GPR39: variants seen among roughly 807,000 people sequenced by gnomAD.
GPR39 encodes the protein zinc sensing receptor.
Under a neutral mutation model 18.4 loss-of-function variants are expected in GPR39, and 23 were observed. The ratio of observed to expected loss-of-function variants is 1.25; its 90% CI spans 0.90 to 1.77. GPR39 has a LOEUF of 1.77. GPR39 is among the 40% of genes most tolerant of loss of function. The pLI, the probability that GPR39 is intolerant of heterozygous loss-of-function variation, is 0.00. For synonymous variants in GPR39, 280 were observed against 257.9 expected, an observed-to-expected ratio of 1.09 and a Z score of -0.82; for missense variants, 647 against 602.4, an observed-to-expected ratio of 1.07 and a Z score of -0.78.
chr2:132,627,502 G>T lies in GPR39; in HGVS notation c.857-17599G>T, dbSNP rs1159212669. Among the ~76,000 whole-genome samples, 6 of 152,232 alleles carry T rather than the reference G, an allele frequency of 3.9e-5. No individual in the cohort carries two copies. The South Asian group carries it at 6.2e-4, about 16-fold the overall frequency. ...AAATGTCAATATGCCGAGTAATGAT[G>T]TACAGTCTCATTTTAGATTCCAGTC... On this transcript the variant is annotated intron_variant, in intron 1 of 1. Coordinates refer to ENST00000329321, the MANE Select transcript of GPR39 (RefSeq NM_001508.3).
chr2:132,441,389 TTTTTTG>T (rs917950587), intron 1 of GPR39, among the ~76,000 whole-genome samples: 10 of 78,424 alleles, frequency 1.3e-4, no homozygotes, highest in African/African-American at 3.0e-4. Flanking sequence ...ATATGCTTTT[TTTTTTG>T]TTGTTGTTGT....
At chr2:132,435,500 G>T (rs1277191322) in intron 1 of GPR39, among the ~76,000 whole-genome samples, 1 of 152,146 alleles carries the variant, frequency 6.6e-6, no homozygotes, top group South Asian at 2.1e-4. Flanking sequence ...TATTGGTAAG[G>T]CTTCCAGTCA....
chr2:132,462,453 G>C (rs752128477), intron 1 of GPR39, among the ~76,000 whole-genome samples: 8 of 152,202 alleles, frequency 5.3e-5, no homozygotes, highest in Non-Finnish European at 8.8e-5. Flanking sequence ...CTTATCTAAG[G>C]GGGCAGAGTA....
intron 1 of GPR39, among the ~76,000 whole-genome samples, chr2:132,454,589 AC>A (rs1680685841): frequency 6.6e-6 from 1 of 152,020 alleles, no homozygotes; most frequent in African/African-American, 2.4e-5. Context: ...TCCAGTTTTT[AC>A]CCATTCAGTA....
At chr2:132,581,657 G>T (rs1005605621) in intron 1 of GPR39, among the ~76,000 whole-genome samples, 1 of 152,096 alleles carries the variant, frequency 6.6e-6, no homozygotes, top group Non-Finnish European at 1.5e-5. Context: ...GCGGAGTGAG[G>T]CCCTTAGTTT....
intron 1 of GPR39, among the ~76,000 whole-genome samples, chr2:132,613,961 T>A: frequency 6.6e-6 from 1 of 152,234 alleles, no homozygotes; most frequent in East Asian, 1.9e-4. Context: ...AATTGGTGGA[T>A]GAGTGCTCCT....
At chr2:132,459,214 G>T (rs949800469) in intron 1 of GPR39, among the ~76,000 whole-genome samples, 2 of 151,806 alleles carry the variant, frequency 1.3e-5, no homozygotes, top group Admixed American at 6.5e-5. Flanking sequence ...GGTAGAATTT[G>T]TGTTTGTGTC....
chr2:132,584,620 AG>A (rs767191251), intron 1 of GPR39, among the ~76,000 whole-genome samples: 5 of 149,270 alleles, frequency 3.3e-5, no homozygotes, highest in African/African-American at 1.0e-4. Flanking sequence ...CAGTTCTTTC[AG>A]GGGAAAAAAA....
chr2:132,620,254 G>A (rs902266283), intron 1 of GPR39, among the ~76,000 whole-genome samples: 14 of 152,328 alleles, frequency 9.2e-5, no homozygotes, highest in African/African-American at 3.4e-4. Flanking sequence ...TGCAGCTCCA[G>A]CATGAGTTGT....
At chr2:132,528,805 A>C (rs1396339834) in intron 1 of GPR39, among the ~76,000 whole-genome samples, 2 of 152,134 alleles carry the variant, frequency 1.3e-5, no homozygotes, top group Admixed American at 1.3e-4. Flanking sequence ...ACTTTGCTGA[A>C]GTTTTTTATC....
intron 1 of GPR39, among the ~76,000 whole-genome samples, chr2:132,418,776 T>C (rs1382679552): frequency 6.6e-6 from 1 of 152,208 alleles, no homozygotes; most frequent in Non-Finnish European, 1.5e-5. Context: ...ACATGAAATG[T>C]GTGTGAACAA....
At chr2:132,596,635 C>G (rs1407230244) in intron 1 of GPR39, among the ~76,000 whole-genome samples, 1 of 152,060 alleles carries the variant, frequency 6.6e-6, no homozygotes, top group African/African-American at 2.4e-5. Context: ...CTCCTTCTCC[C>G]AATCTTTATT....
At chr2:132,525,856 C>T (rs1249584965) in intron 1 of GPR39, among the ~76,000 whole-genome samples, 3 of 152,080 alleles carry the variant, frequency 2.0e-5, no homozygotes, top group Non-Finnish European at 4.4e-5. Flanking sequence ...GGGAGAGCTG[C>T]TGGGGCCCAA....
At chr2:132,609,513 C>T (rs992922434) in intron 1 of GPR39, among the ~76,000 whole-genome samples, 1 of 152,146 alleles carries the variant, frequency 6.6e-6, no homozygotes, top group African/African-American at 2.4e-5. Context: ...ACTCCTAAGT[C>T]AGTGTTCTTA....
chr2:132,526,653 C>T (rs1349558282), intron 1 of GPR39, among the ~76,000 whole-genome samples: 4 of 152,198 alleles, frequency 2.6e-5, no homozygotes, highest in Non-Finnish European at 4.4e-5. Context: ...GCCCATCCCC[C>T]GGAGCACCTG....
At chr2:132,538,671 C>T (rs1679804815) in intron 1 of GPR39, among the ~76,000 whole-genome samples, 1 of 152,172 alleles carries the variant, frequency 6.6e-6, no homozygotes, top group Non-Finnish European at 1.5e-5. Flanking sequence ...AGCACCCATC[C>T]CTCCCCCCGG....
rs532810166 is a variant in GPR39, at chr2:132,605,506, C to T, written c.857-39595C>T. 1.1e-3 allele frequency among the ~76,000 whole-genome samples: 174 copies of T among 152,340 alleles called. 1 individual carries two copies. Among genetic ancestry groups the T allele is most frequent in the African/African-American group, 3.9e-3 (163 of 41,578 alleles). On this transcript the variant is annotated intron_variant, in intron 1 of 1. Transcript: ENST00000329321. Reference sequence around the variant, plus strand: ...TCTCCAGAAAGGTCCAGGGAACTCACGTCTGCTCACTTTCTCTCTGTTCCT... The same window carrying T: ...TCTCCAGAAAGGTCCAGGGAACTCATGTCTGCTCACTTTCTCTCTGTTCCT...
chr2:132,416,909 C>A lies in GPR39; in HGVS notation c.-134C>A. 3.4e-6 allele frequency: 4 copies of A among 1,168,480 alleles called. No individual in the cohort carries two copies. The highest frequency in any genetic ancestry group is 4.8e-6 in the Non-Finnish European group (4 of 831,490). 72.4% of individuals were successfully genotyped at this position (1,168,480 alleles called of 1,614,324 possible). A position where few individuals can be genotyped will look rare whatever the true frequency, so the allele number is the denominator to read the frequency against. Reference sequence around the variant, plus strand: ...AGCACCTGAAATACTAAGTTACCTTCGCGAGGAGAACTCGAGTGAGATAAA... The same window carrying A: ...AGCACCTGAAATACTAAGTTACCTTAGCGAGGAGAACTCGAGTGAGATAAA... On this transcript the variant is annotated 5_prime_UTR_variant, in exon 1 of 2. Transcript: ENST00000329321.
At chr2:132,590,732 C>T (rs534942173) in intron 1 of GPR39, among the ~76,000 whole-genome samples, 1 of 152,028 alleles carries the variant, frequency 6.6e-6, no homozygotes, top group East Asian at 1.9e-4. Context: ...GGATGGACTC[C>T]CACCAACCAC....
Sources: gnomAD v4.1 joint callset for allele counts (sites outside exome capture counted in the v4.1 genomes callset) on GRCh38, gnomAD v4.1.1 for gene constraint, MANE v1.5 for transcripts, NCBI Gene and HGNC (gene_info 2026-07-23, HGNC 2026-07-21) for gene names.